The following INO80 variants were observed in gnomAD, a reference collection of about 807,000 sequenced individuals.
The protein encoded by INO80 is chromatin-remodeling ATPase INO80.
In INO80, 20 loss-of-function variants were observed where a neutral mutation model predicts 203.4. The observed-to-expected ratio is 0.10, with a 90% CI of 0.07 to 0.14. The LOEUF is 0.14. Among genes scored for constraint, INO80 ranks in the 10% least tolerant of loss-of-function variants. The pLI is 1.00. For missense variants in INO80, 1,419 were observed against 1,914.4 expected, an observed-to-expected ratio of 0.74 and a Z score of 4.83; for synonymous variants, 726 against 685.2, an observed-to-expected ratio of 1.06 and a Z score of -0.93.
chr15:40,995,296 A>G (rs1275674097), intron 29 of INO80, among the ~76,000 whole-genome samples: 1 of 152,262 alleles, frequency 6.6e-6, no homozygotes, highest in Non-Finnish European at 1.5e-5. Flanking sequence ...GGGGTTTTAA[A>G]GAACAAACAG....
intron 28 of INO80, among the ~76,000 whole-genome samples, chr15:40,998,468 T>C (rs964112396): frequency 1.9e-4 from 29 of 152,174 alleles, no homozygotes; most frequent in Admixed American, 1.8e-3. Context: ...TGGATGAATG[T>C]CAACATACCC....
At chr15:41,067,644 A>G (rs1046046937) in intron 14 of INO80, among the ~76,000 whole-genome samples, 82 of 152,172 alleles carry the variant, frequency 5.4e-4, no homozygotes, top group African/African-American at 1.8e-3. Flanking sequence ...AAGCTGCCTC[A>G]AAGTGGGAAA....
intron 24 of INO80, among the ~76,000 whole-genome samples, chr15:41,030,218 A>C (rs1446184184): frequency 6.6e-6 from 1 of 152,240 alleles, no homozygotes; most frequent in African/African-American, 2.4e-5. Flanking sequence ...TCTCTTCAGC[A>C]CTGTAGTTAT....
At chr15:41,015,954 AAAAAAGG>A (rs1487809258) in intron 27 of INO80, 127 bp downstream of exon 27, 7 of 723,178 alleles carry the variant, frequency 9.7e-6, no homozygotes, top group Non-Finnish European at 1.6e-5. Context: ...CAAAAAAAAA[AAAAAAGG>A]AAAAAGAAAA....
At chr15:40,988,047 T>C in intron 29 of INO80, 73 bp from the exon 30 acceptor site, 2 of 1,362,836 alleles carry the variant, frequency 1.5e-6, no homozygotes, top group Non-Finnish European at 2.0e-6. Context: ...CCCAGCCAAT[T>C]GTCTGTTTGC....
intron 14 of INO80, among the ~76,000 whole-genome samples, chr15:41,061,817 T>C (rs1465392791): frequency 1.3e-5 from 2 of 152,112 alleles, no homozygotes; most frequent in African/African-American, 4.8e-5. Flanking sequence ...TAATGACAGA[T>C]TAGATGCAGC....
chr15:41,111,360 T>C (rs1298671578), intron 1 of INO80, among the ~76,000 whole-genome samples: 1 of 151,032 alleles, frequency 6.6e-6, no homozygotes, highest in Non-Finnish European at 1.5e-5. Flanking sequence ...GCAGGAGAAT[T>C]GCTTGAACCC....
chr15:41,074,347 C>T, intron 10 of INO80, 23 bp downstream of exon 10: 1 of 1,548,288 alleles, frequency 6.5e-7, no homozygotes, highest in Non-Finnish European at 8.8e-7. Flanking sequence ...TAGCCTTCCT[C>T]TAAGTCCTGA....
Position 40,980,200 on chromosome 15 carries a change from A to C in INO80, c.*23T>G. 6.2e-7 allele frequency: 1 copy of C among 1,602,860 alleles called. No homozygotes were observed. On this transcript the variant is annotated 3_prime_UTR_variant, in exon 36 of 36. Coordinates refer to ENST00000648947, the MANE Select transcript of INO80 (RefSeq NM_017553.3). Reference sequence around the variant, plus strand: ...AGGACTCTAGCCCTGGTTTGGTTGAAGGAAGTCGGAGGGCCCAGATGGTTA... The same window carrying C: ...AGGACTCTAGCCCTGGTTTGGTTGACGGAAGTCGGAGGGCCCAGATGGTTA...
chr15:41,106,333 G>A (rs2045880063), intron 1 of INO80, among the ~76,000 whole-genome samples: 1 of 144,896 alleles, frequency 6.9e-6, no homozygotes, highest in Non-Finnish European at 1.5e-5. Context: ...GCTGCGGGCT[G>A]AGATCATGCC....
chr15:41,061,450 C>CAAAAAAAAAAAA (rs980593225), intron 14 of INO80, among the ~76,000 whole-genome samples: 28 of 66,878 alleles, frequency 4.2e-4, no homozygotes, highest in African/African-American at 1.2e-3. Context: ...ACCAAAAATA[C>CAAAAAAAAAAAA]AAAAAAAAAA....
chr15:41,099,778 CAA>C (rs77343650), intron 1 of INO80, among the ~76,000 whole-genome samples: 1 of 134,740 alleles, frequency 7.4e-6, no homozygotes, highest in African/African-American at 2.6e-5. Flanking sequence ...TGAGACTATC[CAA>C]AAAAAAAAAA....
intron 22 of INO80, 101 bp from the exon 23 acceptor site, chr15:41,047,602 C>A: frequency 1.3e-6 from 1 of 790,972 alleles, no homozygotes; most frequent in Non-Finnish European, 2.0e-6. Context: ...AACAAAAACA[C>A]TATTCTAAAG....
At chr15:41,012,912 G>A (rs2044152938) in intron 27 of INO80, 1 of 152,150 alleles carries the variant, frequency 6.6e-6, no homozygotes, top group African/African-American at 2.4e-5. Flanking sequence ...AGGGAAAAAG[G>A]AAGCGATCAA....
chr15:41,049,922 C>T lies in INO80; in HGVS notation c.2442+13G>A, dbSNP rs377432134. Reference sequence around the variant, plus strand: ...AAAAACAAAACTTCAAGGGAACTGACGTAAGCTCTTACCTTCCTAAACTGC... The same window carrying T: ...AAAAACAAAACTTCAAGGGAACTGATGTAAGCTCTTACCTTCCTAAACTGC... On this transcript the variant is annotated intron_variant, in intron 20 of 35. Transcript: ENST00000648947. The T allele has an allele frequency of 4.2e-5, 67 of 1,602,360 alleles. No homozygotes were observed. The highest frequency in any genetic ancestry group is 3.6e-4 in the East Asian group (16 of 44,662).
intron 1 of INO80, among the ~76,000 whole-genome samples, chr15:41,106,258 C>T (rs2045879059): frequency 6.6e-6 from 1 of 151,898 alleles, no homozygotes; most frequent in African/African-American, 2.4e-5. Flanking sequence ...GTGGCGAGCA[C>T]CTATAGTCCC....
intron 29 of INO80, among the ~76,000 whole-genome samples, chr15:40,996,139 C>T (rs1201566254): frequency 6.6e-6 from 1 of 152,120 alleles, no homozygotes; most frequent in Non-Finnish European, 1.5e-5. Context: ...TTGCTTTCTC[C>T]TCACAGTTGT....
At position 40,984,274 on chromosome 15, in the gene INO80, C is replaced by T; in HGVS notation, c.4000G>A (p.Asp1334Asn). The T allele has an allele frequency of 6.2e-7, 1 of 1,614,076 alleles. No individual in the cohort carries two copies. The highest frequency in any genetic ancestry group is 8.5e-7 in the Non-Finnish European group (1 of 1,179,958). Residue 1334 changes from aspartate (D) to asparagine (N), a missense_variant, in exon 33 of 36, where the codon GAT becomes AAT. Asp to Asn is a conservative substitution (Grantham distance 23). Coordinates refer to ENST00000648947, the MANE Select transcript of INO80 (RefSeq NM_017553.3). ...CCGTCAGCAGAGAGGTTGGAGTTAT[C>T]AGCCGAGGGAACAAATGGGATCACC... ...NLVIPFVPSA[D>N]NSNLSADGDD...
At position 41,049,406 on chromosome 15, in the gene INO80, C is replaced by T. The variant is rs181458553; in HGVS notation, c.2457G>A (p.Pro819=). The T allele has an allele frequency of 3.1e-5, 50 of 1,613,774 alleles. No homozygotes were observed. The highest frequency in any genetic ancestry group is 2.0e-4 in the African/African-American group (15 of 74,970). Residue 819 remains proline (P), a synonymous_variant, in exon 21 of 36, where the codon CCG becomes CCA. Transcript: ENST00000648947. ...VMQFRKVCNH[P]ELFERQETWS... ...AAGTTTCTTGCCGTTCAAATAACTC[C>T]GGGTGATTACACACCTAAAAGGAAG... is the stretch of plus-strand genomic sequence containing the variant.
Sources: gnomAD v4.1 joint callset for allele counts (sites outside exome capture counted in the v4.1 genomes callset) on GRCh38, gnomAD v4.1.1 for gene constraint, MANE v1.5 for transcripts, NCBI Gene and HGNC (gene_info 2026-07-23, HGNC 2026-07-21) for gene names.